The following LAMA2 variants were observed in gnomAD, a reference collection of about 807,000 sequenced individuals.
LAMA2 encodes laminin subunit alpha 2, also known as laminin subunit alpha-2.
In LAMA2, 269 loss-of-function variants were observed where a neutral mutation model predicts 364.8. The observed-to-expected ratio is 0.74, with a 90% CI of 0.67 to 0.82. LAMA2 has a LOEUF of 0.82. LAMA2 is among the 40% of genes least tolerant of loss of function. The pLI is 0.00. For missense variants in LAMA2, 3,807 were observed against 3,873.2 expected (o/e 0.98, Z 0.45); for synonymous variants, 1,379 against 1,370.6 (o/e 1.01, Z -0.14).
intron 10 of LAMA2, among the ~76,000 whole-genome samples, chr6:129,178,917 A>G: frequency 6.6e-6 from 1 of 152,176 alleles, no homozygotes; most frequent in East Asian, 1.9e-4. Context: ...ATGTTACATC[A>G]GGGGCAATTT....
At chr6:129,325,391 G>A (rs1372941545) in intron 28 of LAMA2, among the ~76,000 whole-genome samples, 1 of 151,984 alleles carries the variant, frequency 6.6e-6, no homozygotes, top group African/African-American at 2.4e-5. Context: ...TAACTTTTTT[G>A]CTTCCAATTC....
At chr6:129,128,002 A>T (rs2114930483) in intron 4 of LAMA2, among the ~76,000 whole-genome samples, 1 of 152,146 alleles carries the variant, frequency 6.6e-6, no homozygotes, top group South Asian at 2.1e-4. Context: ...TTTTAGTTTG[A>T]TATGACCCAA....
intron 14 of LAMA2, among the ~76,000 whole-genome samples, chr6:129,257,520 T>C (rs1191138979): frequency 1.3e-5 from 2 of 152,130 alleles, no homozygotes; most frequent in Admixed American, 6.5e-5. Flanking sequence ...TTCTTCTATT[T>C]TGAAATTTCC....
intron 55 of LAMA2, among the ~76,000 whole-genome samples, chr6:129,483,907 AT>A (rs1784474218): frequency 6.6e-6 from 1 of 152,250 alleles, no homozygotes; most frequent in African/African-American, 2.4e-5. Flanking sequence ...GCAATTGGTT[AT>A]TCATATGGAA....
chr6:129,241,238 T>A (rs1785378581), intron 12 of LAMA2, among the ~76,000 whole-genome samples: 2 of 152,234 alleles, frequency 1.3e-5, no homozygotes, highest in Non-Finnish European at 2.9e-5. Flanking sequence ...CAAGATCTAC[T>A]ATCTATAAGA....
rs116773503 is a variant in LAMA2, at chr6:129,250,263, A to C, written c.1884+50A>C. ...CCGTGTTACTTCCTGATGTTACTTAAGGTTACCAGTACTGTATTTTTTACC... is the reference window on the plus strand; with the variant it reads ...CCGTGTTACTTCCTGATGTTACTTACGGTTACCAGTACTGTATTTTTTACC... On this transcript the variant is annotated intron_variant, in intron 13 of 64. Transcript: ENST00000421865. 1.6e-3 allele frequency: 1,829 copies of C among 1,117,852 alleles called. 18 individuals are homozygous for C. The African/African-American group carries it at 0.025, about 15-fold the overall frequency. The allele number at this position is 1,117,852 out of a possible 1,614,324, so 69.2% of individuals were successfully genotyped here. A position where few individuals can be genotyped will look rare whatever the true frequency, so the allele number is the denominator to read the frequency against.
chr6:129,229,335 A>G (rs1030614858), intron 12 of LAMA2, among the ~76,000 whole-genome samples: 2 of 152,164 alleles, frequency 1.3e-5, no homozygotes, highest in African/African-American at 4.8e-5. Context: ...CTGGAGCAAG[A>G]GCATCTTAGG....
intron 64 of LAMA2, among the ~76,000 whole-genome samples, chr6:129,514,833 A>G (rs1786908137): frequency 6.6e-6 from 1 of 152,164 alleles, no homozygotes; most frequent in African/African-American, 2.4e-5. Context: ...TCCTTCGTGG[A>G]GAGATTGAAG....
intron 12 of LAMA2, among the ~76,000 whole-genome samples, chr6:129,213,772 A>G (rs1275982304): frequency 3.3e-5 from 5 of 152,138 alleles, no homozygotes; most frequent in Admixed American, 6.5e-5. Context: ...CATATCAGGT[A>G]TATCTTTTGC....
At chr6:129,352,926 A>G (rs1031018578) in intron 31 of LAMA2, among the ~76,000 whole-genome samples, 3 of 152,022 alleles carry the variant, frequency 2.0e-5, no homozygotes, top group African/African-American at 7.2e-5. Flanking sequence ...TAATGTTTTC[A>G]ATTCCATCAA....
intron 49 of LAMA2, among the ~76,000 whole-genome samples, chr6:129,461,835 T>C (rs1362381451): frequency 6.6e-6 from 1 of 151,896 alleles, no homozygotes; most frequent in South Asian, 2.1e-4. Flanking sequence ...GATGCTAGAA[T>C]GAATACAGCC....
At chr6:128,955,573 A>G (rs1781092572) in intron 1 of LAMA2, among the ~76,000 whole-genome samples, 1 of 151,992 alleles carries the variant, frequency 6.6e-6, no homozygotes, top group Admixed American at 6.6e-5. Context: ...TGTCATAGAA[A>G]AAAATCACAT....
intron 8 of LAMA2, among the ~76,000 whole-genome samples, chr6:129,157,351 A>T (rs1490644605): frequency 1.3e-5 from 2 of 152,252 alleles, no homozygotes; most frequent in Non-Finnish European, 2.9e-5. Context: ...AGAAGTTCCC[A>T]GCTTGTATCC....
chr6:129,217,576 T>A (rs1040147314), intron 12 of LAMA2, among the ~76,000 whole-genome samples: 1 of 152,212 alleles, frequency 6.6e-6, no homozygotes, highest in African/African-American at 2.4e-5. Flanking sequence ...GTTATCATGT[T>A]GTCAGTAAAT....
Position 129,403,911 on chromosome 6 carries a change from G to A in LAMA2, c.5817G>A (p.Glu1939=). 6.2e-7 allele frequency: 1 copy of A among 1,613,948 alleles called. No homozygotes were observed. The highest frequency in any genetic ancestry group is 8.5e-7 in the Non-Finnish European group (1 of 1,179,900). ...SNIKDYIDEA[E]KVAKEAKDLA... Reference sequence around the variant, plus strand: ...TTAAGGACTATATTGATGAAGCTGAGAAAGTTGCCAAAGAAGCCAAAGATC... The same window carrying A: ...TTAAGGACTATATTGATGAAGCTGAAAAAGTTGCCAAAGAAGCCAAAGATC... The change falls in exon 40 of 65, where the codon GAG becomes GAA. Residue 1939 remains glutamate (E), a synonymous_variant. Transcript: ENST00000421865.
chr6:129,137,203 A>G (rs1327554576), intron 4 of LAMA2, among the ~76,000 whole-genome samples: 1 of 152,006 alleles, frequency 6.6e-6, no homozygotes, highest in Non-Finnish European at 1.5e-5. Flanking sequence ...TAGTCATCGG[A>G]CATGTAAGAG....
intron 1 of LAMA2, among the ~76,000 whole-genome samples, chr6:129,039,821 C>T (rs1012514111): frequency 3.9e-5 from 6 of 152,184 alleles, no homozygotes; most frequent in Non-Finnish European, 2.9e-5. Flanking sequence ...TGTTGCTTAT[C>T]TGACAGGAGG....
At chr6:129,293,275 A>T (rs1789846580) in intron 20 of LAMA2, among the ~76,000 whole-genome samples, 1 of 152,264 alleles carries the variant, frequency 6.6e-6, no homozygotes, top group South Asian at 2.1e-4. Context: ...TCATAGGGTC[A>T]TAAAACTTTC....
At chr6:129,494,508 T>A (rs548302238) in intron 58 of LAMA2, among the ~76,000 whole-genome samples, 1 of 152,354 alleles carries the variant, frequency 6.6e-6, no homozygotes, top group South Asian at 2.1e-4. Flanking sequence ...AATCCCTGCA[T>A]TTAGTGAATA....
Sources: gnomAD v4.1 joint callset for allele counts (sites outside exome capture counted in the v4.1 genomes callset) on GRCh38, gnomAD v4.1.1 for gene constraint, MANE v1.5 for transcripts, NCBI Gene and HGNC (gene_info 2026-07-23, HGNC 2026-07-21) for gene names.